The following NLGN1 variants were observed in gnomAD, a reference collection of about 807,000 sequenced individuals.
NLGN1 encodes neuroligin 1.
Under a neutral mutation model 65.5 loss-of-function variants are expected in NLGN1, and 12 were observed. The observed-to-expected ratio is 0.18, with a 90% CI of 0.12 to 0.30. NLGN1 has a LOEUF of 0.30. Ranked by LOEUF, NLGN1 falls within the 10% of genes least tolerant of loss-of-function variation. The pLI, the probability that NLGN1 is intolerant of heterozygous loss-of-function variation, is 1.00. For synonymous variants in NLGN1, 350 were observed against 359.5 expected, an observed-to-expected ratio of 0.97 and a Z score of 0.30; for missense variants, 750 against 1,007.1, an observed-to-expected ratio of 0.74 and a Z score of 3.46.
intron 3 of NLGN1, among the ~76,000 whole-genome samples, chr3:173,736,727 G>A (rs996242271): frequency 3.3e-5 from 5 of 152,072 alleles, no homozygotes; most frequent in Admixed American, 1.3e-4. Flanking sequence ...CCATTAAAGT[G>A]TAAAATAACC....
In NLGN1 at chr3:174,154,184, C is replaced by T. The variant is rs879745425; in HGVS notation, c.647-121131C>T. Among the ~76,000 whole-genome samples, 9 of 151,926 alleles carry T rather than the reference C, an allele frequency of 5.9e-5. 1 individual carries two copies. Among genetic ancestry groups the T allele is most frequent in the Admixed American group, 5.3e-4 (8 of 15,204 alleles). ...AGCATTTTTTTCTTCTCAAAGTTGA[C>T]GTCAGCAGAAGGCATCCTGGACAGA... On this transcript the variant is annotated intron_variant, in intron 4 of 6. Transcript: ENST00000457714.
downstream of NLGN1, among the ~76,000 whole-genome samples, chr3:174,288,913 TTCTG>T (rs368860486): frequency 3.9e-3 from 587 of 151,626 alleles, 4 homozygotes; most frequent in African/African-American, 0.013. Context: ...GTTAAGCAAA[TTCTG>T]TCTTTCTACT....
chr3:173,475,617 C>G (rs1444769533), intron 2 of NLGN1, among the ~76,000 whole-genome samples: 1 of 152,098 alleles, frequency 6.6e-6, no homozygotes, highest in African/African-American at 2.4e-5. Context: ...CAGTGAATCC[C>G]CAGATCCTTA....
chr3:173,630,635 TTC>T (rs1440325610), intron 3 of NLGN1, among the ~76,000 whole-genome samples: 8 of 152,146 alleles, frequency 5.3e-5, no homozygotes, highest in Non-Finnish European at 8.8e-5. Context: ...TCAAAATTTC[TTC>T]TCTTCCACAG....
At chr3:173,701,919 A>G (rs966971093) in intron 3 of NLGN1, among the ~76,000 whole-genome samples, 18 of 152,186 alleles carry the variant, frequency 1.2e-4, no homozygotes, top group African/African-American at 4.1e-4. Context: ...ATGGTATAAA[A>G]ACATTTGCAT....
At chr3:173,687,074 G>A (rs773855444) in intron 3 of NLGN1, among the ~76,000 whole-genome samples, 1 of 152,212 alleles carries the variant, frequency 6.6e-6, no homozygotes, top group Non-Finnish European at 1.5e-5. Flanking sequence ...CACTGGGACA[G>A]TAGTAGTCTG....
chr3:173,719,811 T>A (rs1259030380), intron 3 of NLGN1, among the ~76,000 whole-genome samples: 1 of 152,008 alleles, frequency 6.6e-6, no homozygotes, highest in Admixed American at 6.6e-5. Flanking sequence ...TTTTGAGGTG[T>A]GCCTAAAAGT....
chr3:173,495,308 T>C (rs561976826), intron 2 of NLGN1, among the ~76,000 whole-genome samples: 2 of 151,884 alleles, frequency 1.3e-5, no homozygotes, highest in South Asian at 2.1e-4. Context: ...GTATATAAAA[T>C]ATATACAATT....
At chr3:173,441,385 G>A (rs535074430) in intron 2 of NLGN1, among the ~76,000 whole-genome samples, 108 of 152,086 alleles carry the variant, frequency 7.1e-4, no homozygotes, top group Non-Finnish European at 1.0e-3. Flanking sequence ...GCCTATTTTG[G>A]TTTTAGGCAT....
At chr3:173,962,590 T>C (rs1276801645) in intron 4 of NLGN1, among the ~76,000 whole-genome samples, 1 of 152,152 alleles carries the variant, frequency 6.6e-6, no homozygotes, top group Non-Finnish European at 1.5e-5. Flanking sequence ...TTTCCTAACT[T>C]AGTCATTTGT....
At chr3:173,431,598 T>TTGATTGGAAGATGCAGAGATTTCCC (rs1717170624) in intron 1 of NLGN1, among the ~76,000 whole-genome samples, 2 of 152,144 alleles carry the variant, frequency 1.3e-5, no homozygotes, top group Non-Finnish European at 2.9e-5. Flanking sequence ...TGTAGTAAAA[T>TTGATTGGAAGATGCAGAGATTTCCC]TGATTGGAAG....
chr3:174,288,683 T>C (rs772136694), downstream of NLGN1, among the ~76,000 whole-genome samples: 5 of 151,466 alleles, frequency 3.3e-5, no homozygotes, highest in Non-Finnish European at 7.4e-5. Flanking sequence ...AAGCCTAAGT[T>C]TCTTAGAAAG....
intron 3 of NLGN1, among the ~76,000 whole-genome samples, chr3:173,760,465 G>A (rs1042459910): frequency 3.9e-5 from 6 of 151,926 alleles, no homozygotes; most frequent in Non-Finnish European, 5.9e-5. Flanking sequence ...CAAGACGTGA[G>A]AAGTTTTTAT....
At chr3:173,462,103 T>G (rs1681021332) in intron 2 of NLGN1, among the ~76,000 whole-genome samples, 1 of 152,180 alleles carries the variant, frequency 6.6e-6, no homozygotes, top group Non-Finnish European at 1.5e-5. Context: ...TTAGGTTCAG[T>G]GCTGTTACTG....
chr3:174,173,150 G>C (rs1237665832), intron 4 of NLGN1, among the ~76,000 whole-genome samples: 2 of 151,870 alleles, frequency 1.3e-5, no homozygotes, highest in African/African-American at 4.8e-5. Context: ...ACTGAATTTT[G>C]TTTGTTGATT....
intron 4 of NLGN1, among the ~76,000 whole-genome samples, chr3:173,850,008 A>G (rs1301224812): frequency 1.3e-5 from 2 of 152,110 alleles, no homozygotes; most frequent in African/African-American, 4.8e-5. Context: ...ATATATACAC[A>G]TGATTTCATA....
rs530723674 is a variant in NLGN1, at chr3:173,611,920, C to T, written c.493+6829C>T. On this transcript the variant is annotated intron_variant, in intron 3 of 6. Coordinates refer to ENST00000457714, the Ensembl canonical transcript of NLGN1. ...TTCTTGGTAAAAACTGCTATCCTTTCTCCTACCGTATGTAATATCTTTCCT... is the reference window on the plus strand; with the variant it reads ...TTCTTGGTAAAAACTGCTATCCTTTTTCCTACCGTATGTAATATCTTTCCT... 1.1e-4 allele frequency among the ~76,000 whole-genome samples: 17 copies of T among 152,138 alleles called. No homozygotes were observed. In the South Asian group the frequency reaches 1.7e-3, roughly 15 times the overall value.
At chr3:173,871,420 C>T (rs1731144260) in intron 4 of NLGN1, among the ~76,000 whole-genome samples, 1 of 152,082 alleles carries the variant, frequency 6.6e-6, no homozygotes, top group Non-Finnish European at 1.5e-5. Flanking sequence ...TAAATGTTTA[C>T]TCAGTGAAGA....
intron 4 of NLGN1, among the ~76,000 whole-genome samples, chr3:174,272,563 C>T (rs1035884446): frequency 5.3e-5 from 8 of 151,674 alleles, no homozygotes; most frequent in East Asian, 1.9e-4. Flanking sequence ...TTAATAAAGA[C>T]AGCTGCTATC....
Sources: gnomAD v4.1 joint callset for allele counts (sites outside exome capture counted in the v4.1 genomes callset) on GRCh38, gnomAD v4.1.1 for gene constraint, MANE v1.5 for transcripts, NCBI Gene and HGNC (gene_info 2026-07-23, HGNC 2026-07-21) for gene names.